The following LHFPL3 variants were observed in gnomAD, a reference collection of about 807,000 sequenced individuals.
LHFPL3 encodes the protein LHFPL tetraspan subfamily member 3, also known as LHFPL tetraspan subfamily member 3 protein.
Under a neutral mutation model 19.3 loss-of-function variants are expected in LHFPL3, and 5 were observed. The ratio of observed to expected loss-of-function variants is 0.26; its 90% CI spans 0.14 to 0.54. The LOEUF (loss-of-function observed/expected upper bound fraction) is 0.54, where lower values mean the gene tolerates loss of function less well. LHFPL3 is among the 20% of genes least tolerant of loss of function. LHFPL3 has a pLI of 0.94. For missense variants in LHFPL3, 249 were observed against 307.4 expected (o/e 0.81, Z 1.42); for synonymous variants, 133 against 126.2 (o/e 1.05, Z -0.36).
At chr7:104,449,314 T>A (rs1430562784) in intron 1 of LHFPL3, among the ~76,000 whole-genome samples, 1 of 152,250 alleles carries the variant, frequency 6.6e-6, no homozygotes, top group African/African-American at 2.4e-5. Flanking sequence ...CACACTGTGC[T>A]GCTAGGCCTT....
At chr7:104,468,357 A>G (rs1487712869) in intron 1 of LHFPL3, among the ~76,000 whole-genome samples, 1 of 152,238 alleles carries the variant, frequency 6.6e-6, no homozygotes, top group Non-Finnish European at 1.5e-5. Flanking sequence ...TGCGATTTTT[A>G]ATTTCCCAAC....
chr7:104,417,885 T>TTCTTC (rs56342915), intron 1 of LHFPL3, among the ~76,000 whole-genome samples: 48 of 70,926 alleles, frequency 6.8e-4, no homozygotes, highest in East Asian at 1.8e-3. Flanking sequence ...CTTCTTCTTC[T>TTCTTC]TTTTTTTTTT....
At chr7:104,416,581 G>A (rs1332953427) in intron 1 of LHFPL3, among the ~76,000 whole-genome samples, 1 of 152,122 alleles carries the variant, frequency 6.6e-6, no homozygotes, top group Non-Finnish European at 1.5e-5. Flanking sequence ...GGGAAAAGGG[G>A]GTCTGGCGTT....
chr7:104,515,452 T>A (rs1175983827), intron 1 of LHFPL3, among the ~76,000 whole-genome samples: 1 of 152,168 alleles, frequency 6.6e-6, no homozygotes, highest in East Asian at 1.9e-4. Context: ...TTCAAAGAAC[T>A]AAGATCACAA....
chr7:104,774,395 A>G (rs1161069479), intron 2 of LHFPL3, among the ~76,000 whole-genome samples: 1 of 152,248 alleles, frequency 6.6e-6, no homozygotes, highest in Non-Finnish European at 1.5e-5. Flanking sequence ...GTACAGATGA[A>G]GAAACTACGG....
chr7:104,383,679 C>CT (rs914432909), intron 1 of LHFPL3, among the ~76,000 whole-genome samples: 6 of 151,936 alleles, frequency 3.9e-5, no homozygotes, highest in South Asian at 2.1e-4. Context: ...GTTTGCTACT[C>CT]TTTTTTTTAA....
chr7:104,665,494 G>A (rs1434766272), intron 1 of LHFPL3, among the ~76,000 whole-genome samples: 1 of 152,140 alleles, frequency 6.6e-6, no homozygotes, highest in Admixed American at 6.5e-5. Context: ...TGTCTAAGCT[G>A]TAGTTTCCAC....
chr7:104,902,272 T>C (rs930489834), intron 2 of LHFPL3, among the ~76,000 whole-genome samples: 4 of 151,138 alleles, frequency 2.6e-5, no homozygotes, highest in African/African-American at 9.7e-5. Flanking sequence ...GTCCTAGTTA[T>C]GTGGGAGGCT....
chr7:104,664,286 T>C (rs1290247298), intron 1 of LHFPL3, among the ~76,000 whole-genome samples: 1 of 149,112 alleles, frequency 6.7e-6, no homozygotes, highest in Non-Finnish European at 1.5e-5. Flanking sequence ...ATTAGCCATT[T>C]TACTCAAATA....
At chr7:104,748,000 C>A (rs1434439660) in intron 2 of LHFPL3, among the ~76,000 whole-genome samples, 2 of 152,000 alleles carry the variant, frequency 1.3e-5, no homozygotes, top group African/African-American at 4.8e-5. Flanking sequence ...CCATTTTGTT[C>A]TGTACTAAGA....
At chr7:104,604,981 C>T (rs956640602) in intron 1 of LHFPL3, among the ~76,000 whole-genome samples, 1 of 152,186 alleles carries the variant, frequency 6.6e-6, no homozygotes, top group African/African-American at 2.4e-5. Flanking sequence ...GGAAAACAGT[C>T]ATTTTCCTAC....
At chr7:104,789,828 T>C (rs1584535271) in intron 2 of LHFPL3, among the ~76,000 whole-genome samples, 2 of 152,328 alleles carry the variant, frequency 1.3e-5, no homozygotes, top group East Asian at 3.9e-4. Context: ...AGAGAATTCC[T>C]CCCACACACA....
chr7:104,394,950 C>T (rs890241663), intron 1 of LHFPL3, among the ~76,000 whole-genome samples: 2 of 151,950 alleles, frequency 1.3e-5, no homozygotes, highest in Admixed American at 6.6e-5. Context: ...CCACCCACCT[C>T]GGCCTCCCAA....
chr7:104,705,208 AAACTT>A (rs1793169862), intron 1 of LHFPL3, among the ~76,000 whole-genome samples: 2 of 152,308 alleles, frequency 1.3e-5, no homozygotes, highest in South Asian at 2.1e-4. Flanking sequence ...TTTAATATAA[AAACTT>A]AAGTCTATCT....
chr7:104,357,662 C>T (rs1327506439), intron 1 of LHFPL3, among the ~76,000 whole-genome samples: 3 of 152,114 alleles, frequency 2.0e-5, no homozygotes, highest in African/African-American at 7.2e-5. Context: ...ACTGGTTGGG[C>T]AAGTCTGAAA....
chr7:104,427,892 G>A (rs1791879257), intron 1 of LHFPL3, among the ~76,000 whole-genome samples: 1 of 152,192 alleles, frequency 6.6e-6, no homozygotes, highest in South Asian at 2.1e-4. Flanking sequence ...TGCTGGTGAT[G>A]AGCATCAGGA....
At chr7:104,735,682 C>T (rs761988306) in intron 1 of LHFPL3, among the ~76,000 whole-genome samples, 4 of 152,362 alleles carry the variant, frequency 2.6e-5, no homozygotes, top group East Asian at 1.9e-4. Context: ...GGCAATGCAT[C>T]GCCCTGCTTC....
At chr7:104,598,899 T>C (rs1790913811) in intron 1 of LHFPL3, among the ~76,000 whole-genome samples, 1 of 152,232 alleles carries the variant, frequency 6.6e-6, no homozygotes, top group Admixed American at 6.5e-5. Context: ...TTCCCTCAGT[T>C]TTTTAGAGAT....
At chr7:104,740,555 T>C (rs943609900) in intron 2 of LHFPL3, among the ~76,000 whole-genome samples, 1 of 152,214 alleles carries the variant, frequency 6.6e-6, no homozygotes, top group Non-Finnish European at 1.5e-5. Flanking sequence ...AGAAGTTTAA[T>C]TGATTCACAG....
Sources: gnomAD v4.1 joint callset for allele counts (sites outside exome capture counted in the v4.1 genomes callset) on GRCh38, gnomAD v4.1.1 for gene constraint, MANE v1.5 for transcripts, NCBI Gene and HGNC (gene_info 2026-07-23, HGNC 2026-07-21) for gene names.